Variants in PIK3C2G observed in about 807,000 individuals in gnomAD.
The protein encoded by PIK3C2G is phosphatidylinositol-4-phosphate 3-kinase catalytic subunit type 2 gamma.
A neutral mutation model predicts 181.1 loss-of-function variants in PIK3C2G; 168 were observed. That is an observed-to-expected ratio of 0.93 (90% CI 0.82 to 1.05). PIK3C2G has a LOEUF of 1.05. Ranked by LOEUF, PIK3C2G falls within the 50% of genes least tolerant of loss-of-function variation. PIK3C2G has a pLI of 0.00. For synonymous variants in PIK3C2G, 573 were observed against 592.2 expected (o/e 0.97, Z 0.47); for missense variants, 1,869 against 1,732.8 (o/e 1.08, Z -1.40).
the PIK3C2G span, among the ~76,000 whole-genome samples, chr12:18,659,101 C>A: frequency 6.6e-6 from 1 of 152,022 alleles, no homozygotes; most frequent in African/African-American, 2.4e-5. Flanking sequence ...GAAGGGAAGA[C>A]ACACTAAAAG....
chr12:18,684,995 T>C, the PIK3C2G span, among the ~76,000 whole-genome samples: 1 of 152,020 alleles, frequency 6.6e-6, no homozygotes, highest in African/African-American at 2.4e-5. Context: ...GATTCTAAGT[T>C]TCCTGAGGCC....
At chr12:18,669,931 G>A in the PIK3C2G span, among the ~76,000 whole-genome samples, 6 of 152,082 alleles carry the variant, frequency 3.9e-5, no homozygotes, top group Admixed American at 1.3e-4. Context: ...GCCTCCCAAA[G>A]TGCTGGGACT....
chr12:18,301,026 T>C (rs1456629265), intron 5 of PIK3C2G, among the ~76,000 whole-genome samples: 1 of 152,124 alleles, frequency 6.6e-6, no homozygotes, highest in Non-Finnish European at 1.5e-5. Flanking sequence ...ATTTTGAATA[T>C]ATCATCTCAT....
At chr12:18,279,450 T>C (rs1338023783) in intron 1 of PIK3C2G, among the ~76,000 whole-genome samples, 4 of 152,000 alleles carry the variant, frequency 2.6e-5, no homozygotes. Flanking sequence ...GATACCTTAT[T>C]TAAAGACCTT....
Position 18,324,972 on chromosome 12 carries a change from G to T in PIK3C2G, c.1209-63G>T. 3 of 773,446 alleles carry T rather than the reference G, an allele frequency of 3.9e-6. No individual in the cohort carries two copies. The Admixed American group carries it at 7.4e-5, about 19-fold the overall frequency. The allele number at this position is 773,446 out of a possible 1,614,324, so 47.9% of individuals were successfully genotyped here. On this transcript the variant is annotated intron_variant, in intron 7 of 32. Transcript: ENST00000538779. ...AAAACAATTTGTGATAAATGTTTGTGCTAAAGGTAATATAAGTTTTCCCAC... is the reference window on the plus strand; with the variant it reads ...AAAACAATTTGTGATAAATGTTTGTTCTAAAGGTAATATAAGTTTTCCCAC...
chr12:18,410,169 A>C (rs1038242685), intron 16 of PIK3C2G, among the ~76,000 whole-genome samples: 1 of 152,122 alleles, frequency 6.6e-6, no homozygotes, highest in African/African-American at 2.4e-5. Context: ...ATTCACCAAC[A>C]TGGGGCACAC....
chr12:18,644,528 C>T (rs952775024), intron 32 of PIK3C2G, among the ~76,000 whole-genome samples: 1 of 152,118 alleles, frequency 6.6e-6, no homozygotes, highest in Non-Finnish European at 1.5e-5. Flanking sequence ...ACGTTCTATG[C>T]ATTTTACATC....
At chr12:18,289,515 A>C (rs1949596029) in intron 3 of PIK3C2G, among the ~76,000 whole-genome samples, 1 of 152,220 alleles carries the variant, frequency 6.6e-6, no homozygotes, top group Admixed American at 6.5e-5. Context: ...CCTTTATGGT[A>C]GAGTATAACA....
chr12:18,693,612 C>A, the PIK3C2G span: 2 of 1,570,094 alleles, frequency 1.3e-6, no homozygotes, highest in Non-Finnish European at 1.8e-6. Flanking sequence ...GAACGTGCAC[C>A]GTCCATTGTG....
intron 2 of PIK3C2G, among the ~76,000 whole-genome samples, chr12:18,284,588 G>T (rs1949362616): frequency 6.6e-6 from 1 of 152,090 alleles, no homozygotes; most frequent in Non-Finnish European, 1.5e-5. Flanking sequence ...CTTTAAATTG[G>T]TTATTAAAAG....
chr12:18,635,009 T>G (rs1949526523), intron 31 of PIK3C2G, among the ~76,000 whole-genome samples: 1 of 152,116 alleles, frequency 6.6e-6, no homozygotes, highest in African/African-American at 2.4e-5. Context: ...ACTGTATAAT[T>G]ACACACCTGG....
In PIK3C2G at chr12:18,479,273, G is replaced by A. The variant is rs117871539; in HGVS notation, c.2505-9176G>A. 3.0e-3 allele frequency among the ~76,000 whole-genome samples: 464 copies of A among 152,132 alleles called. 2 individuals carry two copies. The highest frequency in any genetic ancestry group is 5.1e-3 in the Non-Finnish European group (347 of 67,982). The stretch of plus-strand genomic sequence containing the variant: ...AAAAGATTAAAGGAAAACAGGGCAG[G>A]AAGGTGGCAGAAGATAATTCCTAGA... On this transcript the variant is annotated intron_variant, in intron 18 of 32. Coordinates refer to ENST00000538779, the MANE Select transcript of PIK3C2G (RefSeq NM_001288772.2).
intron 1 of PIK3C2G, among the ~76,000 whole-genome samples, chr12:18,274,667 G>T (rs566330173): frequency 9.2e-5 from 14 of 152,182 alleles, no homozygotes; most frequent in African/African-American, 3.1e-4. Flanking sequence ...GTGGGGGCAG[G>T]GGGGAGGGAT....
At chr12:18,392,781 A>G (rs1592142881) in intron 15 of PIK3C2G, among the ~76,000 whole-genome samples, 1 of 152,232 alleles carries the variant, frequency 6.6e-6, no homozygotes, top group South Asian at 2.1e-4. Flanking sequence ...TTATCACTAT[A>G]TTTCTAATGC....
At chr12:18,245,184 G>A (rs141650418), upstream of PIK3C2G, among the ~76,000 whole-genome samples, 44 of 152,068 alleles carry the variant, frequency 2.9e-4, 1 homozygote, top group East Asian at 8.5e-3. Context: ...AATAAACAAG[G>A]CATAGTCTAT....
the PIK3C2G span, among the ~76,000 whole-genome samples, chr12:18,724,747 T>C: frequency 6.6e-6 from 1 of 152,164 alleles, no homozygotes; most frequent in African/African-American, 2.4e-5. Flanking sequence ...AATTTCATTT[T>C]AGCCTTATCT....
intron 8 of PIK3C2G, among the ~76,000 whole-genome samples, chr12:18,330,211 G>A (rs930189486): frequency 6.6e-6 from 1 of 152,100 alleles, no homozygotes; most frequent in East Asian, 1.9e-4. Flanking sequence ...TAAGTGGGTA[G>A]TTTGACTAGT....
intron 30 of PIK3C2G, 72 bp downstream of exon 30, chr12:18,594,641 T>C: frequency 2.7e-6 from 2 of 746,410 alleles, no homozygotes; most frequent in Non-Finnish European, 2.1e-6. Context: ...TCACAACTAA[T>C]TTTTTTCAAT....
the PIK3C2G span, chr12:18,695,046 A>G: frequency 8.1e-6 from 13 of 1,613,008 alleles, no homozygotes; most frequent in East Asian, 4.5e-5. Flanking sequence ...TTGCAGATCC[A>G]TGGGCAGACC....
Sources: allele counts gnomAD v4.1 joint callset (sites outside exome capture counted in the v4.1 genomes callset), GRCh38; gene constraint gnomAD v4.1.1; transcripts MANE v1.5; gene names NCBI Gene and HGNC (gene_info 2026-07-23, HGNC 2026-07-21).